Variants in NRXN3 observed in about 807,000 individuals in gnomAD.
The protein encoded by NRXN3 is neurexin III.
NRXN3 carries 32 observed loss-of-function variants against 137.6 expected under a neutral mutation model. That is an observed-to-expected ratio of 0.23 (90% CI 0.18 to 0.31). The LOEUF is 0.31. NRXN3 is among the 10% of genes least tolerant of loss of function. The pLI, the probability that NRXN3 is intolerant of heterozygous loss-of-function variation, is 1.00. For missense variants in NRXN3, 1,574 were observed against 2,062.5 expected, an observed-to-expected ratio of 0.76 and a Z score of 4.59; for synonymous variants, 798 against 784.5, an observed-to-expected ratio of 1.02 and a Z score of -0.29.
intron 15 of NRXN3, among the ~76,000 whole-genome samples, chr14:79,385,063 CTTT>C (rs534880720): frequency 6.6e-6 from 1 of 151,212 alleles, no homozygotes; most frequent in Non-Finnish European, 1.5e-5. Flanking sequence ...TAGATGGTGT[CTTT>C]TTTTTTATTA....
At chr14:79,757,981 C>G (rs2099025478) in intron 19 of NRXN3, among the ~76,000 whole-genome samples, 1 of 151,998 alleles carries the variant, frequency 6.6e-6, no homozygotes. Flanking sequence ...CTTTTTTTCC[C>G]CTCCAATAAA....
intron 15 of NRXN3, among the ~76,000 whole-genome samples, chr14:79,196,565 A>T (rs1783954060): frequency 6.6e-6 from 1 of 151,398 alleles, no homozygotes; most frequent in Non-Finnish European, 1.5e-5. Context: ...CAACACATGC[A>T]CTCTGGGGGA....
At chr14:79,137,310 G>C (rs1249378230) in intron 15 of NRXN3, among the ~76,000 whole-genome samples, 1 of 152,174 alleles carries the variant, frequency 6.6e-6, no homozygotes, top group African/African-American at 2.4e-5. Context: ...CTTGTCATCA[G>C]AGTAACTGTG....
intron 16 of NRXN3, among the ~76,000 whole-genome samples, chr14:79,618,392 T>G (rs552477278): frequency 6.6e-6 from 1 of 152,048 alleles, no homozygotes; most frequent in Admixed American, 6.6e-5. Flanking sequence ...ATATTTATGT[T>G]CATGAGTACT....
At chr14:78,684,774 AC>A (rs2152751710) in intron 6 of NRXN3, among the ~76,000 whole-genome samples, 1 of 152,310 alleles carries the variant, frequency 6.6e-6, no homozygotes, top group South Asian at 2.1e-4. Flanking sequence ...AGTTTGGGAG[AC>A]AGAGCAAGAC....
In NRXN3 at chr14:79,262,280, G is replaced by A. The variant is rs2077725634; in HGVS notation, c.3263-204941G>A. ...CCTGAAGAATGGATGCTGAGGTTGGGGCTGCTCTCTGATCAGCAAATTCTG... is the reference window on the plus strand; with the variant it reads ...CCTGAAGAATGGATGCTGAGGTTGGAGCTGCTCTCTGATCAGCAAATTCTG... On this transcript the variant is annotated intron_variant, in intron 15 of 20. Coordinates refer to ENST00000335750, the MANE Select transcript of NRXN3 (RefSeq NM_001330195.2). Among the ~76,000 whole-genome samples, 3 of 151,936 alleles carry A rather than the reference G, an allele frequency of 2.0e-5. No individual in the cohort carries two copies. The South Asian group carries it at 6.2e-4, about 32-fold the overall frequency.
At chr14:78,211,288 G>C (rs2062717284) in intron 1 of NRXN3, among the ~76,000 whole-genome samples, 1 of 152,208 alleles carries the variant, frequency 6.6e-6, no homozygotes, top group Non-Finnish European at 1.5e-5. Flanking sequence ...TTTTGGGCTA[G>C]GCTCTTGTGG....
At chr14:78,348,801 T>C (rs986599020) in intron 4 of NRXN3, among the ~76,000 whole-genome samples, 7 of 152,124 alleles carry the variant, frequency 4.6e-5, no homozygotes, top group Non-Finnish European at 8.8e-5. Flanking sequence ...ACCACGACTT[T>C]AGGGGTTTGG....
chr14:78,733,980 A>G (rs1357459755), intron 8 of NRXN3, among the ~76,000 whole-genome samples: 1 of 152,160 alleles, frequency 6.6e-6, no homozygotes, highest in Non-Finnish European at 1.5e-5. Flanking sequence ...TGCATGAATG[A>G]CCTTGTTTAA....
intron 1 of NRXN3, among the ~76,000 whole-genome samples, chr14:78,226,178 T>C (rs905629358): frequency 1.3e-5 from 2 of 152,118 alleles, no homozygotes; most frequent in Non-Finnish European, 2.9e-5. Context: ...TAATTTTTTG[T>C]ATTTTTAGTA....
At chr14:78,808,037 G>GCA (rs368948340) in intron 9 of NRXN3, among the ~76,000 whole-genome samples, 7 of 150,848 alleles carry the variant, frequency 4.6e-5, no homozygotes, top group Non-Finnish European at 7.4e-5. Flanking sequence ...ATATACACAC[G>GCA]CACACACACA....
In NRXN3 at chr14:79,346,068, GT is replaced by G. The variant is rs372288052; in HGVS notation, c.3263-121146del. The stretch of plus-strand genomic sequence containing the variant: ...TCCCCTAAATGATCTTCTTGCTTCA[GT>G]TTTTTTCCTTGTACTGGTTTATCCT... On this transcript the variant is annotated intron_variant, in intron 15 of 20. Coordinates refer to ENST00000335750, the MANE Select transcript of NRXN3 (RefSeq NM_001330195.2). Among the ~76,000 whole-genome samples the G allele has an allele frequency of 5.3e-5, 8 of 152,216 alleles. No individual in the cohort carries two copies. In the East Asian group the frequency reaches 1.5e-3, roughly 29 times the overall value.
chr14:78,201,024 G>A (rs1323123746), intron 1 of NRXN3, among the ~76,000 whole-genome samples: 5 of 152,156 alleles, frequency 3.3e-5, no homozygotes, highest in East Asian at 3.8e-4. Context: ...GTCCCTCCTC[G>A]GGGTGACACT....
intron 20 of NRXN3, among the ~76,000 whole-genome samples, chr14:79,852,176 T>C (rs1178349444): frequency 1.3e-5 from 2 of 150,834 alleles, no homozygotes; most frequent in African/African-American, 2.4e-5. Flanking sequence ...GCAGAACTCA[T>C]GAACCCATAT....
At chr14:78,273,710 C>T (rs1049603590) in intron 2 of NRXN3, among the ~76,000 whole-genome samples, 32 of 152,110 alleles carry the variant, frequency 2.1e-4, no homozygotes, top group Admixed American at 2.0e-3. Flanking sequence ...TTTTAATAGA[C>T]AAAAAGTGGG....
chr14:78,559,305 T>G (rs1338864267), intron 4 of NRXN3, among the ~76,000 whole-genome samples: 1 of 152,242 alleles, frequency 6.6e-6, no homozygotes, highest in Admixed American at 6.5e-5. Flanking sequence ...TTTTTTACCT[T>G]TTCCATTCAA....
At chr14:79,019,678 C>T (rs2099585452) in intron 15 of NRXN3, among the ~76,000 whole-genome samples, 1 of 152,122 alleles carries the variant, frequency 6.6e-6, no homozygotes, top group Non-Finnish European at 1.5e-5. Flanking sequence ...CACAGAGGCC[C>T]ATGGAGTGGA....
intron 10 of NRXN3, among the ~76,000 whole-genome samples, chr14:78,934,793 C>T (rs1322207345): frequency 6.6e-6 from 1 of 151,678 alleles, no homozygotes; most frequent in Non-Finnish European, 1.5e-5. Flanking sequence ...GGGAACATCA[C>T]ACACTGGGCA....
intron 4 of NRXN3, among the ~76,000 whole-genome samples, chr14:78,337,537 T>C (rs1471604008): frequency 6.6e-6 from 1 of 152,128 alleles, no homozygotes; most frequent in African/African-American, 2.4e-5. Flanking sequence ...AGGGACAGCC[T>C]CCTGCCTCCA....
Sources: gnomAD v4.1 joint callset for allele counts (sites outside exome capture counted in the v4.1 genomes callset) on GRCh38, gnomAD v4.1.1 for gene constraint, MANE v1.5 for transcripts, NCBI Gene and HGNC (gene_info 2026-07-23, HGNC 2026-07-21) for gene names.